Variants in ANPEP observed in about 807,000 individuals in gnomAD.
The protein encoded by ANPEP is alanyl aminopeptidase, membrane.
In ANPEP, 70 loss-of-function variants were observed where a neutral mutation model predicts 114.6. That is an observed-to-expected ratio of 0.61 (90% confidence interval 0.50 to 0.75). The LOEUF (loss-of-function observed/expected upper bound fraction) is 0.75. Ranked by LOEUF, ANPEP falls within the 30% of genes least tolerant of loss-of-function variation. The pLI, the probability that ANPEP is intolerant of heterozygous loss-of-function variation, is 0.00. For missense variants in ANPEP, 1,184 were observed against 1,259.5 expected, an observed-to-expected ratio of 0.94 and a Z score of 0.91; for synonymous variants, 548 against 522.3, an observed-to-expected ratio of 1.05 and a Z score of -0.67.
rs1304055766 is a variant in ANPEP at position 89,804,499 on chromosome 15, G to T, written c.1016C>A (p.Pro339Gln). ...CAAGGACCCCCACTCACCTGATTTT[G>T]GGAGTGGGTAGGGTGTGTCATAATG... is the stretch of plus-strand genomic sequence containing the variant. ...AGHYDTPYPL[P>Q]KSDQIGLPDF... is the part of the protein sequence containing the mutation. Residue 339 changes from proline (P) to glutamine (Q), a missense_variant, in exon 5 of 21, where the codon CCA (proline) becomes CAA (glutamine). Physicochemically the swap from Pro to Gln is moderately conservative, Grantham distance 76. Transcript: ENST00000300060. 1.2e-6 allele frequency: 2 copies of T among 1,614,124 alleles called. No homozygotes were observed. Among genetic ancestry groups the T allele is most frequent in the African/African-American group, 1.3e-5 (1 of 74,944 alleles).
At chr15:89,797,852 G>A (rs1968760686) in intron 14 of ANPEP, 130 bp from the exon 15 acceptor site, 1 of 1,287,200 alleles carries the variant, frequency 7.8e-7, no homozygotes, top group Non-Finnish European at 1.1e-6. Flanking sequence ...GGAGCCGGAG[G>A]TCCCAGATTC....
At position 89,791,888 on chromosome 15, in the gene ANPEP, C is replaced by G. The variant is rs112002578; in HGVS notation, c.2528+272G>C. 3.4e-3 allele frequency among the ~76,000 whole-genome samples: 515 copies of G among 152,220 alleles called. 6 individuals carry two copies. The highest frequency in any genetic ancestry group is 0.011 in the African/African-American group (457 of 41,536). On this transcript the variant is annotated intron_variant, in intron 18 of 20. Transcript: ENST00000300060. ...AGACCCAGGTCCAGCTACACCAGAG[C>G]CTTTGACAGAAGGGAAGACGAGTTG...
chr15:89,805,398 G>A lies in ANPEP; in HGVS notation c.680C>T (p.Pro227Leu), dbSNP rs774136852. The A allele has an allele frequency of 8.7e-6, 14 of 1,614,182 alleles. No individual in the cohort carries two copies. Among genetic ancestry groups the A allele is most frequent in the East Asian group, 2.2e-5 (1 of 44,882 alleles). ...ARKSFPCFDE[P>L]AMKAEFNITL... Reference sequence around the variant, plus strand: ...GATGTTGAACTCGGCCTTCATGGCCGGCTCATCGAAGCATGGGAAGGACTT... The same window carrying A: ...GATGTTGAACTCGGCCTTCATGGCCAGCTCATCGAAGCATGGGAAGGACTT... The change falls in exon 3 of 21, where the codon CCG becomes CTG. Residue 227 changes from proline to leucine, a missense_variant. By Grantham distance (98) the Pro-to-Leu change is moderately conservative. Transcript: ENST00000300060.
At position 89,801,199 on chromosome 15, in the gene ANPEP, G is replaced by A. The variant is rs890209818; in HGVS notation, c.1743-12C>T. ...CAATCCACACGTAGCTGCAATTAAA[G>A]ATCCAGAGGTGGTGAGAGATGGCGG... On this transcript the variant is annotated splice_polypyrimidine_tract_variant and intron_variant, in intron 11 of 20. Transcript: ENST00000300060. 1 of 1,613,898 alleles carries A rather than the reference G, an allele frequency of 6.2e-7. No individual in the cohort carries two copies. The highest frequency in any genetic ancestry group is 2.2e-5 in the East Asian group (1 of 44,878).
At chr15:89,792,116 G>T in intron 18 of ANPEP, 44 bp downstream of exon 18, 1 of 1,585,728 alleles carries the variant, frequency 6.3e-7, no homozygotes, top group Non-Finnish European at 8.6e-7. Flanking sequence ...GGTTCTCCAG[G>T]TGGGGAGAGG....
chr15:89,795,113 C>T (rs1329129922), intron 15 of ANPEP, among the ~76,000 whole-genome samples: 1 of 147,548 alleles, frequency 6.8e-6, no homozygotes, highest in Admixed American at 6.7e-5. Context: ...AAAAGGAAAA[C>T]TTCATAAGAG....
rs776929748 is a variant in ANPEP, at chr15:89,806,670, G to A, written c.-87C>T. The A allele has an allele frequency of 8.7e-5, 127 of 1,455,026 alleles. No homozygotes were observed. In the Middle Eastern group the frequency reaches 1.5e-3, roughly 17 times the overall value. The allele number at this position is 1,455,026 out of a possible 1,614,324, so 90.1% of individuals were successfully genotyped here. A position where few individuals can be genotyped will look rare whatever the true frequency, so the allele number is the denominator to read the frequency against. On this transcript the variant is annotated 5_prime_UTR_variant, in exon 2 of 21. Transcript: ENST00000300060. The surrounding 1 kb of genome is among the most constrained non-coding windows in gnomAD (Gnocchi z 5.7). ...GCCGGGCTTATATCCCCAAAGGGGA[G>A]GAGCCCCACAACAGGCAGACTGGGC...
At chr15:89,802,830 G>T (rs1440233667) in intron 10 of ANPEP, 4 of 216,002 alleles carry the variant, frequency 1.9e-5, no homozygotes, top group Non-Finnish European at 3.8e-5. Context: ...CCTGCTGAGG[G>T]TGGTGGAGCT....
chr15:89,803,576 T>C lies in ANPEP; in HGVS notation c.1438-69A>G. Reference sequence around the variant, plus strand: ...ACCAGGACCCTGTGCCCCCAGACCCTGCCTTCAGTGAGGCCCCTCCAGGCC... The same window carrying C: ...ACCAGGACCCTGTGCCCCCAGACCCCGCCTTCAGTGAGGCCCCTCCAGGCC... On this transcript the variant is annotated intron_variant, in intron 8 of 20. Transcript: ENST00000300060. The surrounding 1 kb of genome is among the most constrained non-coding windows in gnomAD (Gnocchi z 4.2). The C allele has an allele frequency of 1.9e-6, 3 of 1,601,250 alleles. No individual in the cohort carries two copies. Among genetic ancestry groups the C allele is most frequent in the Non-Finnish European group, 2.6e-6 (3 of 1,174,614 alleles).
At position 89,799,239 on chromosome 15, in the gene ANPEP, G is replaced by A; in HGVS notation, c.2009+21C>T. The stretch of plus-strand genomic sequence containing the variant: ...TGAAGTCACGAGCTTCTGCAGCTGA[G>A]CCAGGCAGCGGAGCACTCACCTGGC... On this transcript the variant is annotated intron_variant, in intron 14 of 20. Coordinates refer to ENST00000300060, the MANE Select transcript of ANPEP (RefSeq NM_001150.3). This position sits in a 1 kb window ranked among gnomAD's most constrained non-coding sequence, Gnocchi z 4.2. 6.2e-7 allele frequency: 1 copy of A among 1,614,124 alleles called. No homozygotes were observed. Among genetic ancestry groups the A allele is most frequent in the South Asian group, 1.1e-5 (1 of 91,080 alleles).
chr15:89,789,629 C>A (rs141408606), intron 20 of ANPEP, among the ~76,000 whole-genome samples: 2 of 151,466 alleles, frequency 1.3e-5, no homozygotes, highest in Non-Finnish European at 2.9e-5. Flanking sequence ...AAAAATTAGC[C>A]GGGTGTGGGG....
At chr15:89,786,711 T>C (rs1443284872) in intron 20 of ANPEP, among the ~76,000 whole-genome samples, 1 of 147,748 alleles carries the variant, frequency 6.8e-6, no homozygotes, top group East Asian at 2.0e-4. Flanking sequence ...AAAAAGCAAA[T>C]TGGAGGACTC....
At chr15:89,789,548 G>T (rs544229349) in intron 20 of ANPEP, among the ~76,000 whole-genome samples, 1 of 151,166 alleles carries the variant, frequency 6.6e-6, no homozygotes, top group East Asian at 2.0e-4. Flanking sequence ...CGAGGTGGGT[G>T]GATCACTTGA....
chr15:89,785,266 G>C lies in ANPEP; in HGVS notation c.*83C>G. ...GAGGACACTGGTGCCTCGGGCTCCA[G>C]GAATGGAGGCCCTGCACCAGCCGCT... On this transcript the variant is annotated 3_prime_UTR_variant, in exon 21 of 21. Coordinates refer to ENST00000300060, the MANE Select transcript of ANPEP (RefSeq NM_001150.3). 6.4e-7 allele frequency: 1 copy of C among 1,554,646 alleles called. No homozygotes were observed. The highest frequency in any genetic ancestry group is 8.8e-7 in the Non-Finnish European group (1 of 1,135,964).
intron 1 of ANPEP, among the ~76,000 whole-genome samples, chr15:89,813,997 G>GGGGGGC (rs1894862260): frequency 8.0e-6 from 1 of 125,024 alleles, no homozygotes. Context: ...CTGCTGGGGG[G>GGGGGGC]GGGGGGTGCG....
chr15:89,801,419 G>C lies in ANPEP; in HGVS notation c.1742+16C>G, dbSNP rs1455209364. On this transcript the variant is annotated intron_variant, in intron 11 of 20. Transcript: ENST00000300060. Reference sequence around the variant, plus strand: ...CCCACCCACCTGACCATGCCTCAGTGACCCCATCTGCTCACTTGAATTCTG... The same window carrying C: ...CCCACCCACCTGACCATGCCTCAGTCACCCCATCTGCTCACTTGAATTCTG... 1 of 1,613,498 alleles carries C rather than the reference G, an allele frequency of 6.2e-7. No homozygotes were observed. Among genetic ancestry groups the C allele is most frequent in the African/African-American group, 1.3e-5 (1 of 74,924 alleles).
Position 89,799,413 on chromosome 15 carries a change from G to A in ANPEP, c.1953+13C>T. 1 of 1,614,152 alleles carries A rather than the reference G, an allele frequency of 6.2e-7. No individual in the cohort carries two copies. Among genetic ancestry groups the A allele is most frequent in the Non-Finnish European group, 8.5e-7 (1 of 1,180,024 alleles). ...TGGGGCAGGGGGCAGGGCGAGGGGTGGCAGACACTCACCGAGTGGTCTCTC... is the reference window on the plus strand; with the variant it reads ...TGGGGCAGGGGGCAGGGCGAGGGGTAGCAGACACTCACCGAGTGGTCTCTC... On this transcript the variant is annotated intron_variant, in intron 13 of 20. Transcript: ENST00000300060. The surrounding 1 kb of genome is among the most constrained non-coding windows in gnomAD (Gnocchi z 4.2).
chr15:89,812,451 C>G (rs1894833534), intron 1 of ANPEP, among the ~76,000 whole-genome samples: 1 of 152,224 alleles, frequency 6.6e-6, no homozygotes, highest in African/African-American at 2.4e-5. Context: ...AGGGTGCTTC[C>G]TCTGGGAGCC....
intron 12 of ANPEP, among the ~76,000 whole-genome samples, chr15:89,800,860 C>A (rs1313498518): frequency 6.6e-6 from 1 of 152,162 alleles, no homozygotes; most frequent in Non-Finnish European, 1.5e-5. Flanking sequence ...GCCTAGGATT[C>A]TCTCCTTTAA....
Sources: allele counts gnomAD v4.1 joint callset (sites outside exome capture counted in the v4.1 genomes callset), GRCh38; gene constraint gnomAD v4.1.1; non-coding constraint Gnocchi (gnomAD v3.1); transcripts MANE v1.5; gene names NCBI Gene and HGNC (gene_info 2026-07-23, HGNC 2026-07-21).